The following HOXB6 variants were observed in gnomAD, a reference collection of about 807,000 sequenced individuals.
HOXB6 encodes the protein homeobox protein Hox-B6.
A neutral mutation model predicts 24.2 loss-of-function variants in HOXB6; 18 were observed. That is an observed-to-expected ratio of 0.74 (90% CI 0.51 to 1.10). The LOEUF (loss-of-function observed/expected upper bound fraction) is 1.10, where lower values mean the gene tolerates loss of function less well. Among genes scored for constraint, HOXB6 ranks in the 50% least tolerant of loss-of-function variants. The pLI, the probability that HOXB6 is intolerant of heterozygous loss-of-function variation, is 0.00. For synonymous variants in HOXB6, 159 were observed against 139.1 expected (o/e 1.14, Z -1.01); for missense variants, 332 against 308.3 (o/e 1.08, Z -0.58).
In HOXB6 at chr17:48,595,921, C is replaced by A; in HGVS notation, c.*492G>T. 3.0e-6 allele frequency: 1 copy of A among 338,206 alleles called. No homozygotes were observed. The highest frequency in any genetic ancestry group is 2.3e-5 in the South Asian group (1 of 43,120). 21.0% of individuals were successfully genotyped at this position (338,206 alleles called of 1,614,324 possible). A position where few individuals can be genotyped will look rare whatever the true frequency, so the allele number is the denominator to read the frequency against. ...AGAACTTTGTTTTCTTCTGAGGCTC[C>A]TCTTCTTACTTCTAGGTAGTATGTG... On this transcript the variant is annotated 3_prime_UTR_variant, in exon 4 of 4. Transcript: ENST00000225648.
intron 2 of HOXB6, chr17:48,602,479 A>G (rs929931083): frequency 1.2e-5 from 4 of 325,598 alleles, no homozygotes; most frequent in South Asian, 1.0e-4. Flanking sequence ...ACCTTTTTAT[A>G]TATGCCCTAG....
Position 48,596,994 on chromosome 17 carries a change from A to T in HOXB6, c.416-322T>A, listed in dbSNP as rs1361986122. 1.1e-5 allele frequency: 8 copies of T among 707,098 alleles called. No individual in the cohort carries two copies. The East Asian group carries it at 3.1e-4, about 27-fold the overall frequency. The allele number at this position is 707,098 out of a possible 1,614,324, so 43.8% of individuals were successfully genotyped here. On this transcript the variant is annotated intron_variant, in intron 3 of 3. Transcript: ENST00000225648. This position sits in a 1 kb window ranked among gnomAD's most constrained non-coding sequence, Gnocchi z 4.8. Reference sequence around the variant, plus strand: ...CTCCCTTTCCATCCATCTTGTTCCCACCCCCCGTCATCCCCCCAACCCAAT... The same window carrying T: ...CTCCCTTTCCATCCATCTTGTTCCCTCCCCCCGTCATCCCCCCAACCCAAT...
In HOXB6 at chr17:48,596,752, A is replaced by C; in HGVS notation, c.416-80T>G. The stretch of plus-strand genomic sequence containing the variant: ...TCCCCTAGTCGACCCTCGAACACAG[A>C]CTCCAGCCAGTACCGGGATGCCCTC... On this transcript the variant is annotated intron_variant, in intron 3 of 3. Transcript: ENST00000225648. This position sits in a 1 kb window ranked among gnomAD's most constrained non-coding sequence, Gnocchi z 4.8. The C allele has an allele frequency of 6.3e-7, 1 of 1,582,436 alleles. No homozygotes were observed. Among genetic ancestry groups the C allele is most frequent in the Non-Finnish European group, 8.6e-7 (1 of 1,168,752 alleles).
At position 48,595,790 on chromosome 17, in the gene HOXB6, A is replaced by G. The variant is rs187860086; in HGVS notation, c.*623T>C. ...CTTTATTATTGTTGTTGTTGTTGTT[A>G]TTATTATTATTATTATCATCATCAT... On this transcript the variant is annotated 3_prime_UTR_variant, in exon 4 of 4. Transcript: ENST00000225648. The G allele has an allele frequency of 7.4e-4, 136 of 183,798 alleles. 1 individual carries two copies. Among genetic ancestry groups the G allele is most frequent in the Middle Eastern group, 4.7e-3 (2 of 426 alleles). The allele number at this position is 183,798 out of a possible 1,614,324, so 11.4% of individuals were successfully genotyped here. A position where few individuals can be genotyped will look rare whatever the true frequency, so the allele number is the denominator to read the frequency against.
Position 48,596,458 on chromosome 17 carries a change from C to T in HOXB6, c.630G>A (p.Ala210=). The T allele has an allele frequency of 6.2e-7, 1 of 1,614,254 alleles. No homozygotes were observed. The highest frequency in any genetic ancestry group is 1.1e-5 in the South Asian group (1 of 91,088). The part of the protein sequence containing the change: ...KWKKESKLLS[A]SQLSAEEEEE... ...CCTCCTCCTCGGCACTGAGCTGAGA[C>T]GCGCTGAGCAGTTTGCTCTCCTTTT... is the stretch of plus-strand genomic sequence containing the variant. Residue 210 remains alanine (A), a synonymous_variant, in exon 4 of 4, where the codon GCG becomes GCA. Transcript: ENST00000225648. This position sits in a 1 kb window ranked among gnomAD's most constrained non-coding sequence, Gnocchi z 4.8.
chr17:48,604,064 G>C (rs1056300734), intron 2 of HOXB6: 3 of 152,768 alleles, frequency 2.0e-5, no homozygotes, highest in African/African-American at 7.2e-5. Flanking sequence ...AACTGCGCTG[G>C]GGCAATAGCC....
chr17:48,597,746 A>G lies in HOXB6; in HGVS notation c.405T>C (p.Asn135=). The G allele has an allele frequency of 6.2e-7, 1 of 1,612,964 alleles. No individual in the cohort carries two copies. The highest frequency in any genetic ancestry group is 8.5e-7 in the Non-Finnish European group (1 of 1,179,568). ...TPVYPWMQRM[N]SCNSSSFGPS... is the part of the protein sequence containing the mutation. ...GGAAGTCTCACTCACTGTTGCACGA[A>G]TTCATCCGCTGCATCCACGGGTAGA... The change falls in exon 3 of 4, where the codon AAT becomes AAC. Residue 135 remains asparagine (N), a synonymous_variant. Coordinates refer to ENST00000225648, the MANE Select transcript of HOXB6 (RefSeq NM_018952.5).
chr17:48,597,443 G>A (rs944932132), intron 3 of HOXB6, among the ~76,000 whole-genome samples: 1 of 152,174 alleles, frequency 6.6e-6, no homozygotes, highest in East Asian at 1.9e-4. Flanking sequence ...GTGACTGCAG[G>A]CTCCTGCTCC....
At chr17:48,597,313 TCAGCGTCAC>T (rs2070328004) in intron 3 of HOXB6, among the ~76,000 whole-genome samples, 2 of 152,034 alleles carry the variant, frequency 1.3e-5, no homozygotes, top group Admixed American at 6.6e-5. Context: ...CTCTTTCTCT[TCAGCGTCAC>T]CCCCTACCCC....
chr17:48,595,761 A>C lies in HOXB6; in HGVS notation c.*652T>G, dbSNP rs1034105612. On this transcript the variant is annotated 3_prime_UTR_variant, in exon 4 of 4. Transcript: ENST00000225648. ...GGAGGTGACCGAGCGTCGAGTTTTC[A>C]CATCTTTATTATTGTTGTTGTTGTT... is the stretch of plus-strand genomic sequence containing the variant. 1.6e-5 allele frequency: 3 copies of C among 187,966 alleles called. No individual in the cohort carries two copies. The highest frequency in any genetic ancestry group is 7.3e-5 in the African/African-American group (3 of 41,368). The allele number at this position is 187,966 out of a possible 1,614,324, so 11.6% of individuals were successfully genotyped here. A position where few individuals can be genotyped will look rare whatever the true frequency, so the allele number is the denominator to read the frequency against.
chr17:48,597,859 G>C lies in HOXB6; in HGVS notation c.292C>G (p.Pro98Ala), dbSNP rs768603811. 11 of 1,596,228 alleles carry C rather than the reference G, an allele frequency of 6.9e-6. No individual in the cohort carries two copies. The highest frequency in any genetic ancestry group is 9.4e-6 in the Non-Finnish European group (11 of 1,170,584). ...GACTTCCGCGGCTCGGGGTGGAACG[G>C]GGGCTGCTCGTCGGCGCCGGAGAGT... ...CALSGADEQP[P>A]FHPEPRKSDC... The change falls in exon 3 of 4, where the codon CCG becomes GCG. Residue 98 changes from proline (P) to alanine (A), a missense_variant. Physicochemically the swap from Pro to Ala is conservative, Grantham distance 27. Transcript: ENST00000225648.
In HOXB6 at chr17:48,598,168, G is replaced by T; in HGVS notation, c.-18C>A. ...GAACTCATTGGGAGGGGAGGCGCGC[G>T]CGGCCGCTGCTGCTCCGCCGGGTTT... is the stretch of plus-strand genomic sequence containing the variant. On this transcript the variant is annotated 5_prime_UTR_variant, in exon 3 of 4. Coordinates refer to ENST00000225648, the MANE Select transcript of HOXB6 (RefSeq NM_018952.5). 1 of 1,560,700 alleles carries T rather than the reference G, an allele frequency of 6.4e-7. No homozygotes were observed. The highest frequency in any genetic ancestry group is 8.7e-7 in the Non-Finnish European group (1 of 1,150,378).
Position 48,596,769 on chromosome 17 carries a change from G to A in HOXB6, c.416-97C>T. The stretch of plus-strand genomic sequence containing the variant: ...GAACACAGACTCCAGCCAGTACCGG[G>A]ATGCCCTCTATTCTGCCGGCTCCCT... On this transcript the variant is annotated intron_variant, in intron 3 of 3. Transcript: ENST00000225648. This position sits in a 1 kb window ranked among gnomAD's most constrained non-coding sequence, Gnocchi z 4.8. The A allele has an allele frequency of 6.4e-7, 1 of 1,553,902 alleles. No individual in the cohort carries two copies. Among genetic ancestry groups the A allele is most frequent in the Non-Finnish European group, 8.7e-7 (1 of 1,145,398 alleles).
At position 48,604,967 on chromosome 17, in the gene HOXB6, G is replaced by A. The variant is rs2070548282; in HGVS notation, c.-320C>T. 6.6e-6 allele frequency: 1 copy of A among 152,634 alleles called. No individual in the cohort carries two copies. Among genetic ancestry groups the A allele is most frequent in the East Asian group, 1.9e-4 (1 of 5,194 alleles). The allele number at this position is 152,634 out of a possible 1,614,324, so 9.5% of individuals were successfully genotyped here. ...AGGACGACAGTGCTCCGACCTAGGT[G>A]TGGTGTCCAAAAGAATGCTGCATTA... On this transcript the variant is annotated 5_prime_UTR_variant, in exon 1 of 4. Coordinates refer to ENST00000225648, the MANE Select transcript of HOXB6 (RefSeq NM_018952.5).
chr17:48,598,145 A>T lies in HOXB6; in HGVS notation c.6T>A (p.Ser2Arg). The T allele has an allele frequency of 6.3e-7, 1 of 1,583,640 alleles. No homozygotes were observed. The highest frequency in any genetic ancestry group is 8.6e-7 in the Non-Finnish European group (1 of 1,160,192). M[S>R]SYFVNSTFPV... is the part of the protein sequence containing the mutation. ...GGAAGGTGGAGTTCACGAAATAGGA[A>T]CTCATTGGGAGGGGAGGCGCGCGCG... Residue 2 changes from serine to arginine, a missense_variant, in exon 3 of 4, where the codon AGT becomes AGA. Physicochemically the swap from Ser to Arg is moderately radical, Grantham distance 110. Coordinates refer to ENST00000225648, the MANE Select transcript of HOXB6 (RefSeq NM_018952.5).
rs886790892 is a variant in HOXB6 at position 48,596,944 on chromosome 17, C to T, written c.416-272G>A. The T allele has an allele frequency of 7.4e-7, 1 of 1,358,644 alleles. No individual in the cohort carries two copies. The highest frequency in any genetic ancestry group is 9.5e-7 in the Non-Finnish European group (1 of 1,049,358). The allele number at this position is 1,358,644 out of a possible 1,614,324, so 84.2% of individuals were successfully genotyped here. On this transcript the variant is annotated intron_variant, in intron 3 of 3. Coordinates refer to ENST00000225648, the MANE Select transcript of HOXB6 (RefSeq NM_018952.5). This position sits in a 1 kb window ranked among gnomAD's most constrained non-coding sequence, Gnocchi z 4.8. ...GGGGAGGGGCTGGTCAGGTGTGTCTCTTCCTAGTTGCATCTTGTCTTTCCC... is the reference window on the plus strand; with the variant it reads ...GGGGAGGGGCTGGTCAGGTGTGTCTTTTCCTAGTTGCATCTTGTCTTTCCC...
At position 48,597,733 on chromosome 17, in the gene HOXB6, C is replaced by T. The variant is rs765823392; in HGVS notation, c.415+3G>A. On this transcript the variant is annotated splice_donor_region_variant and intron_variant, in intron 3 of 3. Transcript: ENST00000225648. ...GGCGACGGCGACGGGAAGTCTCACT[C>T]ACTGTTGCACGAATTCATCCGCTGC... 4.3e-6 allele frequency: 7 copies of T among 1,612,490 alleles called. 1 individual carries two copies. In the South Asian group the frequency reaches 7.7e-5, roughly 18 times the overall value.
intron 2 of HOXB6, among the ~76,000 whole-genome samples, chr17:48,599,776 GA>G (rs754601965): frequency 1.6e-4 from 25 of 152,176 alleles, no homozygotes; most frequent in Non-Finnish European, 3.4e-4. Flanking sequence ...CACACCTGGG[GA>G]CAAGAAGGGG....
At chr17:48,603,363 C>T (rs956872452) in intron 2 of HOXB6, among the ~76,000 whole-genome samples, 8 of 152,282 alleles carry the variant, frequency 5.3e-5, no homozygotes, top group Admixed American at 3.3e-4. Flanking sequence ...GCCCTCCCCA[C>T]CCCCTAGAAG....
Sources: gnomAD v4.1 joint callset for allele counts (sites outside exome capture counted in the v4.1 genomes callset) on GRCh38, gnomAD v4.1.1 for gene constraint, Gnocchi (gnomAD v3.1) non-coding constraint, MANE v1.5 for transcripts, NCBI Gene and HGNC (gene_info 2026-07-23, HGNC 2026-07-21) for gene names.